NCAPG2: variants seen among roughly 807,000 people sequenced by gnomAD.
NCAPG2 encodes condensin-2 complex subunit G2.
Under a neutral mutation model 141.1 loss-of-function variants are expected in NCAPG2, and 53 were observed. The observed-to-expected ratio is 0.38, with a 90% CI of 0.30 to 0.47. The LOEUF (loss-of-function observed/expected upper bound fraction) is 0.47, where lower values mean the gene tolerates loss of function less well. Ranked by LOEUF, NCAPG2 falls within the 20% of genes least tolerant of loss-of-function variation. The pLI is 0.99. For synonymous variants in NCAPG2, 499 were observed against 490.7 expected (o/e 1.02, Z -0.22); for missense variants, 1,087 against 1,389.0 (o/e 0.78, Z 3.46).
rs1368505683 is a variant in NCAPG2, at chr7:158,701,798, A to C, written c.78+24T>G. On this transcript the variant is annotated intron_variant, in intron 2 of 27. Transcript: ENST00000356309. ...TTCATATTCACAGTCAAAAATCACA[A>C]CAAAACTAAAACATGAAACTTACAT... 1.9e-6 allele frequency: 3 copies of C among 1,597,600 alleles called. No homozygotes were observed. In the African/African-American group the frequency reaches 4.0e-5, roughly 21 times the overall value.
At chr7:158,666,181 G>T (rs1456267125) in intron 13 of NCAPG2, among the ~76,000 whole-genome samples, 2 of 152,218 alleles carry the variant, frequency 1.3e-5, no homozygotes, top group Non-Finnish European at 2.9e-5. Flanking sequence ...CACGGTTTAA[G>T]AGGACAAGAA....
Position 158,680,701 on chromosome 7 carries a change from A to AC in NCAPG2, c.1020+19_1020+20insG. On this transcript the variant is annotated intron_variant, in intron 10 of 27. Coordinates refer to ENST00000356309, the MANE Select transcript of NCAPG2 (RefSeq NM_017760.7). Reference sequence around the variant, plus strand: ...CAAGTAGTACATTCCAAACACGGATAAACTATTTGAAATGTATACCTTTAA... The same window carrying AC: ...CAAGTAGTACATTCCAAACACGGATACAACTATTTGAAATGTATACCTTTAA... The AC allele has an allele frequency of 2.1e-6, 3 of 1,447,674 alleles. No individual in the cohort carries two copies. The South Asian group carries it at 4.4e-5, about 21-fold the overall frequency. 89.7% of individuals were successfully genotyped at this position (1,447,674 alleles called of 1,614,324 possible).
intron 24 of NCAPG2, among the ~76,000 whole-genome samples, chr7:158,650,021 A>G (rs796520618): frequency 2.6e-5 from 4 of 152,356 alleles, no homozygotes; most frequent in African/African-American, 9.6e-5. Context: ...AGTCAGTAAT[A>G]ATGAATAACT....
intron 27 of NCAPG2, among the ~76,000 whole-genome samples, chr7:158,637,371 C>T (rs937611472): frequency 6.6e-6 from 1 of 152,186 alleles, no homozygotes; most frequent in African/African-American, 2.4e-5. Flanking sequence ...CTTTAGTGCC[C>T]AGTTCAACGT....
At chr7:158,646,599 G>C (rs902504179) in intron 24 of NCAPG2, 36 bp from the exon 25 acceptor site, 2 of 1,402,676 alleles carry the variant, frequency 1.4e-6, no homozygotes, top group African/African-American at 3.0e-5. Context: ...TGTAAACAGA[G>C]ACTAGGCTAC....
At chr7:158,683,027 A>G (rs1174413394) in intron 9 of NCAPG2, among the ~76,000 whole-genome samples, 1 of 152,244 alleles carries the variant, frequency 6.6e-6, no homozygotes, top group Non-Finnish European at 1.5e-5. Flanking sequence ...GATAGTGGCC[A>G]TTAGAAACCA....
chr7:158,672,059 A>C (rs1236849308), intron 12 of NCAPG2, among the ~76,000 whole-genome samples: 1 of 151,992 alleles, frequency 6.6e-6, no homozygotes, highest in Non-Finnish European at 1.5e-5. Flanking sequence ...TCGATACTGC[A>C]TGAGGATTGG....
At chr7:158,654,844 C>T in intron 21 of NCAPG2, 150 bp from the exon 22 acceptor site, 1 of 1,361,474 alleles carries the variant, frequency 7.3e-7, no homozygotes, top group African/African-American at 1.5e-5. Context: ...CATAAAGATA[C>T]ATTAATTCTT....
rs567338554 is a variant in NCAPG2 at position 158,688,312 on chromosome 7, A to C, written c.673-870T>G. Among the ~76,000 whole-genome samples the C allele has an allele frequency of 3.3e-5, 5 of 152,372 alleles. No homozygotes were observed. The South Asian group carries it at 1.0e-3, about 32-fold the overall frequency. The stretch of plus-strand genomic sequence containing the variant: ...TAGGAAACTACATTTAGATATCTTA[A>C]ATTCAAAGGAGACATCAATTTTTTA... On this transcript the variant is annotated intron_variant, in intron 6 of 27. Transcript: ENST00000356309.
rs182759421 is a variant in NCAPG2, at chr7:158,693,971, C to T, written c.79-474G>A. 3.1e-3 allele frequency among the ~76,000 whole-genome samples: 472 copies of T among 152,316 alleles called. 2 individuals are homozygous for T. The highest frequency in any genetic ancestry group is 5.2e-3 in the Non-Finnish European group (356 of 68,026). On this transcript the variant is annotated intron_variant, in intron 2 of 27. Coordinates refer to ENST00000356309, the MANE Select transcript of NCAPG2 (RefSeq NM_017760.7). ...TTTCCTCTTATCTGAGATGACCTCA[C>T]GTACTCTTTGATGAAGCAAATAGCG... is the stretch of plus-strand genomic sequence containing the variant.
intron 4 of NCAPG2, among the ~76,000 whole-genome samples, chr7:158,691,527 G>A (rs547099785): frequency 6.6e-6 from 1 of 152,300 alleles, no homozygotes; most frequent in South Asian, 2.1e-4. Flanking sequence ...CTAAGAATAA[G>A]AAGCTTGATG....
chr7:158,661,734 T>A (rs898778047), intron 16 of NCAPG2, among the ~76,000 whole-genome samples: 6 of 152,252 alleles, frequency 3.9e-5, no homozygotes, highest in Non-Finnish European at 7.4e-5. Context: ...TAAATTTTTT[T>A]AAAAAAGAAA....
chr7:158,682,069 C>T (rs549885823), intron 9 of NCAPG2, among the ~76,000 whole-genome samples: 2 of 152,046 alleles, frequency 1.3e-5, no homozygotes, highest in Admixed American at 1.3e-4. Flanking sequence ...TAATATTCTC[C>T]CTTTAAATTC....
At chr7:158,652,594 C>G in intron 22 of NCAPG2, 114 bp from the exon 23 acceptor site, 1 of 911,298 alleles carries the variant, frequency 1.1e-6, no homozygotes, top group Non-Finnish European at 1.6e-6. Context: ...GATTATTACA[C>G]TTTGGTATTT....
intron 1 of NCAPG2, among the ~76,000 whole-genome samples, chr7:158,702,940 G>A (rs527388125): frequency 2.0e-5 from 3 of 152,300 alleles, no homozygotes; most frequent in Non-Finnish European, 2.9e-5. Context: ...ATGTATGACC[G>A]TGGTCCCATA....
chr7:158,683,443 T>C, intron 8 of NCAPG2, 57 bp from the exon 9 acceptor site: 1 of 1,292,840 alleles, frequency 7.7e-7, no homozygotes, highest in South Asian at 1.4e-5. Flanking sequence ...ACTGACGACC[T>C]GACAAGCAGT....
chr7:158,682,205 T>C (rs1834490303), intron 9 of NCAPG2, among the ~76,000 whole-genome samples: 1 of 152,174 alleles, frequency 6.6e-6, no homozygotes, highest in African/African-American at 2.4e-5. Context: ...AAACTACACA[T>C]ATAGTTTACA....
chr7:158,666,412 G>T lies in NCAPG2; in HGVS notation c.1480-1662C>A, dbSNP rs79558162. Among the ~76,000 whole-genome samples, 64 of 152,196 alleles carry T rather than the reference G, an allele frequency of 4.2e-4. 1 individual carries two copies. The East Asian group carries it at 0.011, about 26-fold the overall frequency. ...ACCAACCTGTCTGGAAATGCCTGAG[G>T]ATGTCAAGCACAGAACCAAGTGCCT... On this transcript the variant is annotated intron_variant, in intron 13 of 27. Transcript: ENST00000356309.
intron 27 of NCAPG2, among the ~76,000 whole-genome samples, chr7:158,637,016 T>G (rs189937529): frequency 0.023 from 3,445 of 151,886 alleles, 120 homozygotes; most frequent in African/African-American, 0.079. Context: ...GGTGTGATCT[T>G]GGCTCACTGC....
Sources: allele counts gnomAD v4.1 joint callset (sites outside exome capture counted in the v4.1 genomes callset), GRCh38; gene constraint gnomAD v4.1.1; transcripts MANE v1.5; gene names NCBI Gene and HGNC (gene_info 2026-07-23, HGNC 2026-07-21).